COL14A1: variants seen among roughly 807,000 people sequenced by gnomAD.
COL14A1 encodes collagen type XIV alpha 1 chain.
Under a neutral mutation model 230.3 loss-of-function variants are expected in COL14A1, and 136 were observed. The observed-to-expected ratio is 0.59, with a 90% CI of 0.51 to 0.68. COL14A1 has a LOEUF of 0.68. COL14A1 is among the 30% of genes least tolerant of loss of function. The pLI, the probability that COL14A1 is intolerant of heterozygous loss-of-function variation, is 0.00. For missense variants in COL14A1, 1,976 were observed against 2,215.8 expected (o/e 0.89, Z 2.17); for synonymous variants, 792 against 784.1 (o/e 1.01, Z -0.17).
intron 25 of COL14A1, among the ~76,000 whole-genome samples, chr8:120,268,734 T>C (rs1819572359): frequency 6.6e-6 from 1 of 151,752 alleles, no homozygotes. Flanking sequence ...AAACACAGCT[T>C]TCTACCCCAG....
At chr8:120,356,378 G>A (rs887453214) in intron 45 of COL14A1, among the ~76,000 whole-genome samples, 2 of 152,238 alleles carry the variant, frequency 1.3e-5, no homozygotes, top group Non-Finnish European at 2.9e-5. Flanking sequence ...TATGATTCCA[G>A]AATGCCTGTG....
chr8:120,345,010 A>C (rs1563395), intron 44 of COL14A1, among the ~76,000 whole-genome samples: 81,032 of 151,886 alleles, frequency 0.53, 23,087 homozygotes, highest in African/African-American at 0.76. Context: ...TTAGAAAAGA[A>C]AAATAACTTG....
chr8:120,220,843 GTGA>G (rs1302449380), intron 14 of COL14A1, among the ~76,000 whole-genome samples: 6 of 152,076 alleles, frequency 3.9e-5, no homozygotes, highest in Non-Finnish European at 8.8e-5. Flanking sequence ...GATAATGATG[GTGA>G]TGATTATGGT....
chr8:120,324,062 A>T (rs904196934), intron 40 of COL14A1, among the ~76,000 whole-genome samples: 6 of 152,072 alleles, frequency 3.9e-5, no homozygotes. Context: ...GGACACTGGG[A>T]CCTACTTGAG....
intron 5 of COL14A1, among the ~76,000 whole-genome samples, chr8:120,180,333 GA>G (rs1244691448): frequency 3.3e-5 from 5 of 152,180 alleles, no homozygotes; most frequent in African/African-American, 1.2e-4. Flanking sequence ...TTCTTTCTCA[GA>G]GTCTGTGTGG....
chr8:120,250,102 T>G (rs1249771984), intron 21 of COL14A1, among the ~76,000 whole-genome samples: 1 of 152,156 alleles, frequency 6.6e-6, no homozygotes, highest in Non-Finnish European at 1.5e-5. Flanking sequence ...GGCCTTGGAA[T>G]AAGAGCATAA....
intron 45 of COL14A1, among the ~76,000 whole-genome samples, chr8:120,347,809 C>T (rs1295637846): frequency 1.3e-5 from 2 of 152,034 alleles, no homozygotes; most frequent in Non-Finnish European, 2.9e-5. Flanking sequence ...TGATTATCAT[C>T]ATTCTGGATA....
At chr8:120,266,738 C>A in intron 24 of COL14A1, 89 bp from the exon 25 acceptor site, 1 of 1,038,464 alleles carries the variant, frequency 9.6e-7, no homozygotes, top group Non-Finnish European at 1.5e-6. Flanking sequence ...AAATCATTGA[C>A]TACCCTGAAT....
chr8:120,178,485 A>G (rs968094328), intron 5 of COL14A1, among the ~76,000 whole-genome samples: 6 of 152,182 alleles, frequency 3.9e-5, no homozygotes, highest in African/African-American at 1.4e-4. Flanking sequence ...ATTGATAGGA[A>G]TTTGGGTTGG....
intron 12 of COL14A1, 115 bp from the exon 13 acceptor site, chr8:120,212,333 G>A: frequency 3.1e-6 from 3 of 970,690 alleles, no homozygotes; most frequent in Non-Finnish European, 4.6e-6. Context: ...TGATGAAGGG[G>A]TTGTAACAGG....
intron 14 of COL14A1, among the ~76,000 whole-genome samples, chr8:120,220,695 A>G (rs1415387922): frequency 1.3e-5 from 2 of 151,862 alleles, no homozygotes; most frequent in African/African-American, 2.4e-5. Context: ...CCTCTCCCCA[A>G]CTTTTTGGAG....
Position 120,278,495 on chromosome 8 carries a change from G to A in COL14A1, c.3398G>A (p.Gly1133Asp). The A allele has an allele frequency of 3.7e-6, 6 of 1,613,146 alleles. No homozygotes were observed. Among genetic ancestry groups the A allele is most frequent in the African/African-American group, 1.3e-5 (1 of 74,948 alleles). Residue 1133 changes from glycine (G) to aspartate (D), a missense_variant, in exon 28 of 48, where the codon GGC becomes GAC. This residue lies in a region of COL14A1 where 1,791 missense variants were observed against 2,019.5 expected (regional missense o/e 0.89). Transcript: ENST00000297848. ...ACTGCAGAGTCAGGTACAAGAAGGG[G>A]CATCCCAAAGGTTATCGTGGTTATA... The part of the protein sequence containing the change: ...LFTAESGTRR[G>D]IPKVIVVITD...
intron 19 of COL14A1, among the ~76,000 whole-genome samples, chr8:120,238,632 G>A (rs1407878995): frequency 3.3e-5 from 5 of 152,174 alleles, no homozygotes; most frequent in Non-Finnish European, 5.9e-5. Flanking sequence ...TGTCTCGCTG[G>A]CATTCCAGGC....
rs9642848 is a variant in COL14A1 at position 120,147,858 on chromosome 8, C to T, written c.16C>T (p.Arg6Cys). 3.1e-4 allele frequency: 507 copies of T among 1,613,552 alleles called. 3 individuals are homozygous for T. In the East Asian group the frequency reaches 8.6e-3, roughly 28 times the overall value. The change falls in exon 2 of 48, where the codon CGC becomes TGC. Residue 6 changes from arginine to cysteine, a missense_variant. This residue lies in a region of COL14A1 where 181 missense variants were observed against 178.6 expected (regional missense o/e 1.01). Transcript: ENST00000297848. ...GGAAAATAAAATGAAGATTTTCCAG[C>T]GCAAGATGCGGTACTGGTTGCTTCC... is the stretch of plus-strand genomic sequence containing the variant. MKIFQRKMRYWLLPPF... is the reference protein window; with the variant it reads MKIFQCKMRYWLLPPF...
intron 13 of COL14A1, among the ~76,000 whole-genome samples, chr8:120,214,936 G>A (rs1024685140): frequency 1.3e-5 from 2 of 152,194 alleles, no homozygotes; most frequent in African/African-American, 4.8e-5. Context: ...GAGCCTTGAA[G>A]GCAAAGAGAA....
chr8:120,298,521 G>GA (rs1307460040), intron 35 of COL14A1, among the ~76,000 whole-genome samples: 1 of 143,280 alleles, frequency 7.0e-6, no homozygotes, highest in Non-Finnish European at 1.5e-5. Flanking sequence ...TAAATTGGAA[G>GA]AAAAAATGAT....
chr8:120,316,503 G>A (rs779782511), intron 40 of COL14A1, among the ~76,000 whole-genome samples: 1 of 152,122 alleles, frequency 6.6e-6, no homozygotes, highest in Middle Eastern at 3.4e-3. Context: ...GCTAACATCT[G>A]GTATTTGTTT....
At chr8:120,278,600 G>A (rs1167752965) in intron 28 of COL14A1, 22 bp downstream of exon 28, 1 of 1,600,752 alleles carries the variant, frequency 6.2e-7, no homozygotes, top group Non-Finnish European at 8.5e-7. Flanking sequence ...AAACAATAGT[G>A]GCTACCAAAT....
Position 120,349,666 on chromosome 8 carries a change from C to T in COL14A1, c.5077+4103C>T, listed in dbSNP as rs1218812183. On this transcript the variant is annotated intron_variant, in intron 45 of 47. Coordinates refer to ENST00000297848, the MANE Select transcript of COL14A1 (RefSeq NM_021110.4). ...GGAAGATGAAATGAATGAAATGAAGCGAGAAGGGAAGTTTAGAGAAAAAAG... is the reference window on the plus strand; with the variant it reads ...GGAAGATGAAATGAATGAAATGAAGTGAGAAGGGAAGTTTAGAGAAAAAAG... 2.4e-4 allele frequency among the ~76,000 whole-genome samples: 33 copies of T among 137,840 alleles called. No homozygotes were observed. The South Asian group carries it at 2.4e-3, about 10-fold the overall frequency. 90.4% of individuals were successfully genotyped at this position (137,840 alleles called of 152,430 possible).
Sources: gnomAD v4.1 joint callset for allele counts (sites outside exome capture counted in the v4.1 genomes callset) on GRCh38, gnomAD v4.1.1 for gene constraint, gnomAD v4.1.1 regional missense constraint, MANE v1.5 for transcripts, NCBI Gene and HGNC (gene_info 2026-07-23, HGNC 2026-07-21) for gene names.